The following CRTAP variants were observed in gnomAD, a reference collection of about 807,000 sequenced individuals.
CRTAP encodes cartilage associated protein.
Under a neutral mutation model 42.7 loss-of-function variants are expected in CRTAP, and 33 were observed. That is an observed-to-expected ratio of 0.77 (90% confidence interval 0.59 to 1.03). The LOEUF (loss-of-function observed/expected upper bound fraction) is 1.03, where lower values mean the gene tolerates loss of function less well. Among genes scored for constraint, CRTAP ranks in the 50% least tolerant of loss-of-function variants. The pLI, the probability that CRTAP is intolerant of heterozygous loss-of-function variation, is 0.00. For missense variants in CRTAP, 613 were observed against 533.9 expected (o/e 1.15, Z -1.46); for synonymous variants, 243 against 217.7 (o/e 1.12, Z -1.02).
intron 1 of CRTAP, chr3:33,115,198 GCCTCCCAGAGTTC>G (rs1701329567): frequency 6.6e-6 from 1 of 152,088 alleles, no homozygotes; most frequent in Non-Finnish European, 1.5e-5. Flanking sequence ...CTCCCACCTC[GCCTCCCAGAGTTC>G]TGGGATTACA....
intron 6 of CRTAP, among the ~76,000 whole-genome samples, chr3:33,137,796 T>C (rs941072450): frequency 6.6e-6 from 1 of 152,234 alleles, no homozygotes; most frequent in Admixed American, 6.5e-5. Flanking sequence ...AAAGATTTAC[T>C]CCTGATTTTT....
intron 6 of CRTAP, among the ~76,000 whole-genome samples, chr3:33,136,585 A>T (rs1399454357): frequency 6.6e-6 from 1 of 152,140 alleles, no homozygotes; most frequent in Non-Finnish European, 1.5e-5. Flanking sequence ...TCTACAGAAA[A>T]TTTAAAAGTT....
intron 3 of CRTAP, 113 bp from the exon 4 acceptor site, chr3:33,129,826 C>T (rs562381397): frequency 5.6e-5 from 60 of 1,072,798 alleles, no homozygotes; most frequent in Admixed American, 1.1e-4. Context: ...CGTGAGCCAC[C>T]GCGCCCGGCC....
At position 33,145,740 on chromosome 3, in the gene CRTAP, C is replaced by G. The variant is rs996636561; in HGVS notation, c.*3292C>G. The G allele has an allele frequency of 6.6e-6, 1 of 152,336 alleles. No homozygotes were observed. 9.4% of individuals were successfully genotyped at this position (152,336 alleles called of 1,614,324 possible). On this transcript the variant is annotated 3_prime_UTR_variant, in exon 7 of 7. Transcript: ENST00000320954. This position sits in a 1 kb window ranked among gnomAD's most constrained non-coding sequence, Gnocchi z 4.3. Reference sequence around the variant, plus strand: ...TTGGGTGTTGTGACTCACTCCACCTCTGTGCCCTGCAGAGGTACTGTTGGG... The same window carrying G: ...TTGGGTGTTGTGACTCACTCCACCTGTGTGCCCTGCAGAGGTACTGTTGGG...
intron 1 of CRTAP, among the ~76,000 whole-genome samples, chr3:33,118,836 A>G (rs748939349): frequency 1.3e-5 from 2 of 152,318 alleles, no homozygotes; most frequent in East Asian, 1.9e-4. Flanking sequence ...AGGTCCTGCC[A>G]TAACATACCT....
In CRTAP at chr3:33,142,779, C is replaced by A; in HGVS notation, c.*331C>A. Reference sequence around the variant, plus strand: ...AAGCAATTCTGCTGCATCAGCCTCCCGAGTACCTGGGATTACAGGCATGTG... The same window carrying A: ...AAGCAATTCTGCTGCATCAGCCTCCAGAGTACCTGGGATTACAGGCATGTG... On this transcript the variant is annotated 3_prime_UTR_variant, in exon 7 of 7. Transcript: ENST00000320954. 3.6e-6 allele frequency: 1 copy of A among 276,156 alleles called. No individual in the cohort carries two copies. Among genetic ancestry groups the A allele is most frequent in the Non-Finnish European group, 7.1e-6 (1 of 140,482 alleles). The allele number at this position is 276,156 out of a possible 1,614,324, so 17.1% of individuals were successfully genotyped here. A position where few individuals can be genotyped will look rare whatever the true frequency, so the allele number is the denominator to read the frequency against.
At chr3:33,131,618 G>T (rs568154093) in intron 4 of CRTAP, among the ~76,000 whole-genome samples, 27 of 152,256 alleles carry the variant, frequency 1.8e-4, no homozygotes, top group African/African-American at 6.5e-4. Flanking sequence ...GGGATCAACA[G>T]TATGAATGAA....
intron 3 of CRTAP, among the ~76,000 whole-genome samples, chr3:33,126,082 TA>T (rs2030058972): frequency 6.6e-6 from 1 of 152,242 alleles, no homozygotes; most frequent in Non-Finnish European, 1.5e-5. Flanking sequence ...TAGAACTTTT[TA>T]TGTTTCCCCA....
In CRTAP at chr3:33,132,708, T is replaced by G; in HGVS notation, c.1068+8T>G. 1 of 1,613,656 alleles carries G rather than the reference T, an allele frequency of 6.2e-7. No individual in the cohort carries two copies. ...CACTTCCAGCCCAGACCTGTAAGTC[T>G]GGTGCACCACACCTTCCCTTTTCTC... is the stretch of plus-strand genomic sequence containing the variant. On this transcript the variant is annotated splice_region_variant and intron_variant, in intron 5 of 6. Coordinates refer to ENST00000320954, the MANE Select transcript of CRTAP (RefSeq NM_006371.5).
intron 5 of CRTAP, among the ~76,000 whole-genome samples, 164 bp from the exon 6 acceptor site, chr3:33,134,018 A>G (rs921554431): frequency 6.6e-6 from 1 of 152,188 alleles, no homozygotes; most frequent in Non-Finnish European, 1.5e-5. Flanking sequence ...AAAGTGTACA[A>G]TTCAGTGGTT....
At chr3:33,122,428 G>A (rs1024727237) in intron 2 of CRTAP, among the ~76,000 whole-genome samples, 2 of 151,980 alleles carry the variant, frequency 1.3e-5, no homozygotes, top group African/African-American at 4.8e-5. Context: ...ATCCACCCTC[G>A]GCCAGGCGCG....
In CRTAP at chr3:33,144,838, G is replaced by A. The variant is rs573663324; in HGVS notation, c.*2390G>A. 6.6e-6 allele frequency: 1 copy of A among 152,252 alleles called. No individual in the cohort carries two copies. The highest frequency in any genetic ancestry group is 6.5e-5 in the Admixed American group (1 of 15,286). 9.4% of individuals were successfully genotyped at this position (152,252 alleles called of 1,614,324 possible). Reference sequence around the variant, plus strand: ...AAGGACTGAGAAGGAGTTACCTTAAGGTCAGAGAAAACCAAGAGAGTGTGG... The same window carrying A: ...AAGGACTGAGAAGGAGTTACCTTAAAGTCAGAGAAAACCAAGAGAGTGTGG... On this transcript the variant is annotated 3_prime_UTR_variant, in exon 7 of 7. Transcript: ENST00000320954.
chr3:33,137,871 A>G (rs1175238740), intron 6 of CRTAP, among the ~76,000 whole-genome samples: 2 of 152,156 alleles, frequency 1.3e-5, no homozygotes, highest in Admixed American at 6.5e-5. Flanking sequence ...AGTTAATTTT[A>G]TGTGTGATAT....
At position 33,134,183 on chromosome 3, in the gene CRTAP, A is replaced by T. The variant is rs1233857403; in HGVS notation, c.1070A>T (p.Glu357Val). The change falls in exon 6 of 7, where the codon GAA becomes GTA. Residue 357 changes from glutamate to valine, a missense_variant and splice_region_variant. Coordinates refer to ENST00000320954, the MANE Select transcript of CRTAP (RefSeq NM_006371.5). Reference protein sequence around the residue: ...LSDEHFQPRPEAVQFFNVTTL... With the variant: ...LSDEHFQPRPVAVQFFNVTTL... Reference sequence around the variant, plus strand: ...CTGTTCTCTGTTGTGTCTGAACAGGAAGCAGTTCAGTTCTTTAATGTGACC... The same window carrying T: ...CTGTTCTCTGTTGTGTCTGAACAGGTAGCAGTTCAGTTCTTTAATGTGACC... The T allele has an allele frequency of 6.2e-7, 1 of 1,607,392 alleles. No homozygotes were observed. Among genetic ancestry groups the T allele is most frequent in the Admixed American group, 1.7e-5 (1 of 60,000 alleles).
intron 3 of CRTAP, among the ~76,000 whole-genome samples, chr3:33,128,654 A>C (rs1453902616): frequency 6.6e-6 from 1 of 152,228 alleles, no homozygotes; most frequent in Non-Finnish European, 1.5e-5. Context: ...GTGTTTTCAG[A>C]GTCAACCAAA....
At chr3:33,114,694 C>T (rs963811932) in intron 1 of CRTAP, 146 bp downstream of exon 1, 1 of 693,416 alleles carries the variant, frequency 1.4e-6, no homozygotes, top group Non-Finnish European at 2.4e-6. Flanking sequence ...AAGGTCTCCT[C>T]CAAGTCCTGT....
At position 33,114,245 on chromosome 3, in the gene CRTAP, C is replaced by T. The variant is rs146112611; in HGVS notation, c.168C>T (p.Ser56=). ...ACCGGCACGCGCTGGACAAGTACAG[C>T]GGCGAGCACTGGGCCGAGAGCGTGG... ...SAYRHALDKY[S]GEHWAESVGY... is the part of the protein sequence containing the mutation. Residue 56 remains serine, a synonymous_variant, in exon 1 of 7, where the codon AGC becomes AGT. Transcript: ENST00000320954. The T allele has an allele frequency of 3.1e-6, 5 of 1,589,852 alleles. No homozygotes were observed. The African/African-American group carries it at 5.4e-5, about 17-fold the overall frequency.
At chr3:33,131,284 A>G (rs139061449) in intron 4 of CRTAP, among the ~76,000 whole-genome samples, 1,792 of 146,624 alleles carry the variant, frequency 0.012, 33 homozygotes, top group African/African-American at 0.042. Flanking sequence ...GTTCCTCTTT[A>G]TCTCACCTCC....
chr3:33,133,871 A>G (rs973745766), intron 5 of CRTAP, among the ~76,000 whole-genome samples: 1 of 152,178 alleles, frequency 6.6e-6, no homozygotes, highest in African/African-American at 2.4e-5. Flanking sequence ...ATTTTTTCTA[A>G]TTGATCTTTG....
Sources: gnomAD v4.1 joint callset for allele counts (sites outside exome capture counted in the v4.1 genomes callset) on GRCh38, gnomAD v4.1.1 for gene constraint, Gnocchi (gnomAD v3.1) non-coding constraint, MANE v1.5 for transcripts, NCBI Gene and HGNC (gene_info 2026-07-23, HGNC 2026-07-21) for gene names.